Variants in SHF observed in about 807,000 individuals in gnomAD.
SHF encodes the protein SH2 domain-containing adapter protein F.
SHF carries 30 observed loss-of-function variants against 42.4 expected under a neutral mutation model. The observed-to-expected ratio is 0.71, with a 90% CI of 0.53 to 0.96. The LOEUF (loss-of-function observed/expected upper bound fraction) is 0.96. Ranked by LOEUF, SHF falls within the 40% of genes least tolerant of loss-of-function variation. SHF has a pLI of 0.00. For synonymous variants in SHF, 264 were observed against 269.9 expected, an observed-to-expected ratio of 0.98 and a Z score of 0.21; for missense variants, 598 against 634.0, an observed-to-expected ratio of 0.94 and a Z score of 0.61.
At chr15:45,193,933 T>C (rs923535779) in intron 2 of SHF, among the ~76,000 whole-genome samples, 1 of 143,828 alleles carries the variant, frequency 7.0e-6, no homozygotes, top group African/African-American at 2.6e-5. Flanking sequence ...ACCCCTTCTG[T>C]ACCAAAAAAA....
chr15:45,197,637 C>T (rs1898907446), intron 2 of SHF, among the ~76,000 whole-genome samples: 2 of 152,268 alleles, frequency 1.3e-5, no homozygotes, highest in South Asian at 4.1e-4. Context: ...TCCCTTTCCC[C>T]TATCTTACCA....
upstream of SHF, among the ~76,000 whole-genome samples, chr15:45,192,571 C>T (rs550547454): frequency 1.3e-5 from 2 of 152,054 alleles, no homozygotes; most frequent in South Asian, 4.1e-4. Flanking sequence ...TGGGGTTTCA[C>T]CGTGTTAGCT....
intron 6 of SHF, chr15:45,171,287 C>G (rs1897473168): frequency 6.5e-6 from 1 of 153,084 alleles, no homozygotes; most frequent in African/African-American, 2.4e-5. Context: ...AGGGCCTTGC[C>G]TCCTCTACGT....
intron 4 of SHF, 114 bp from the exon 5 acceptor site, chr15:45,172,432 A>C (rs1897556579): frequency 8.3e-7 from 1 of 1,211,628 alleles, no homozygotes; most frequent in Non-Finnish European, 1.1e-6. Flanking sequence ...GGATCAAAGG[A>C]ATGCTCTAGG....
At chr15:45,199,339 C>T (rs573264428) in intron 1 of SHF, among the ~76,000 whole-genome samples, 2 of 152,314 alleles carry the variant, frequency 1.3e-5, no homozygotes, top group African/African-American at 4.8e-5. Flanking sequence ...TCAGTGCTCT[C>T]GCCCCCACGG....
rs1406884379 is a variant in SHF at position 45,172,138 on chromosome 15, G to A, written c.1160+9C>T. ...GGGAGGGAGTCCCCAGCTGGACACAGACACTCACACCTGGTTTTCCAGAGG... is the reference window on the plus strand; with the variant it reads ...GGGAGGGAGTCCCCAGCTGGACACAAACACTCACACCTGGTTTTCCAGAGG... On this transcript the variant is annotated intron_variant, in intron 5 of 6. Transcript: ENST00000690270. The A allele has an allele frequency of 6.2e-7, 1 of 1,613,818 alleles. No homozygotes were observed. Among genetic ancestry groups the A allele is most frequent in the Non-Finnish European group, 8.5e-7 (1 of 1,179,864 alleles).
intron 6 of SHF, chr15:45,170,777 G>A (rs933382064): frequency 1.7e-5 from 4 of 229,154 alleles, no homozygotes; most frequent in African/African-American, 7.2e-5. Flanking sequence ...TCAGCCTCCC[G>A]AGTAGCTGGC....
chr15:45,199,278 C>CTG, intron 1 of SHF: 1 of 588,114 alleles, frequency 1.7e-6, no homozygotes, highest in South Asian at 2.7e-5. Flanking sequence ...CCCACCTAGG[C>CTG]TGTGTCACGG....
In SHF at chr15:45,169,647, T is replaced by C. The variant is rs529723960; in HGVS notation, c.1281-1514A>G. 3.3e-5 allele frequency among the ~76,000 whole-genome samples: 5 copies of C among 152,374 alleles called. No homozygotes were observed. In the East Asian group the frequency reaches 5.8e-4, roughly 18 times the overall value. On this transcript the variant is annotated intron_variant, in intron 6 of 6. Transcript: ENST00000690270. ...CTGACCCCTTCTCCCTTAGTCCACC[T>C]GGGGAATTGTCTCTCCTAAAAGCTG...
At chr15:45,178,636 A>G (rs554651642) in intron 1 of SHF, among the ~76,000 whole-genome samples, 41 of 148,142 alleles carry the variant, frequency 2.8e-4, no homozygotes, top group African/African-American at 1.0e-3. Flanking sequence ...CCGGGTTCAC[A>G]CCATTCTCCT....
intron 6 of SHF, chr15:45,171,158 A>G (rs1413312573): frequency 2.0e-5 from 3 of 153,440 alleles, no homozygotes; most frequent in East Asian, 3.9e-4. Flanking sequence ...CTGGCTTCCT[A>G]ACGGGGTGCA....
intron 6 of SHF, 64 bp downstream of exon 6, chr15:45,171,819 G>A: frequency 1.3e-6 from 2 of 1,551,552 alleles, no homozygotes; most frequent in Non-Finnish European, 1.8e-6. Context: ...TGGGCATAAG[G>A]GGAATACTGG....
intron 2 of SHF, among the ~76,000 whole-genome samples, chr15:45,193,717 G>A (rs1053106776): frequency 2.0e-5 from 3 of 152,148 alleles, no homozygotes; most frequent in African/African-American, 7.2e-5. Flanking sequence ...GGAGCCAGGT[G>A]CAGTGGCTCA....
At position 45,171,972 on chromosome 15, in the gene SHF, G is replaced by A. The variant is rs115581428; in HGVS notation, c.1191C>T (p.Asp397=). The A allele has an allele frequency of 4.9e-3, 7,927 of 1,613,980 alleles. 20 individuals carry two copies. The highest frequency in any genetic ancestry group is 6.0e-3 in the Non-Finnish European group (7,082 of 1,179,878). Residue 397 remains aspartate, a synonymous_variant, in exon 6 of 7, where the codon GAC becomes GAT. Transcript: ENST00000690270. ...TGCACAGCCGGAGCAGGTTCTCGGC[G>A]TCGGTTCGGCTGATGGCCCCGTGAT... is the stretch of plus-strand genomic sequence containing the variant. ...VWYHGAISRT[D]AENLLRLCKE... is the part of the protein sequence containing the mutation.
chr15:45,186,144 G>A (rs914586004), intron 1 of SHF, among the ~76,000 whole-genome samples: 39 of 152,238 alleles, frequency 2.6e-4, no homozygotes, highest in African/African-American at 8.7e-4. Flanking sequence ...AATAGCAGGG[G>A]ACAAGAAGCA....
upstream of SHF, chr15:45,188,110 C>T (rs1898570703): frequency 1.1e-5 from 2 of 178,394 alleles, no homozygotes; most frequent in South Asian, 1.9e-4. Flanking sequence ...TTCCTCCTCC[C>T]GTAGCTCGGA....
In SHF at chr15:45,187,493, A is replaced by G; in HGVS notation, c.459T>C (p.Ala153=). The G allele has an allele frequency of 1.6e-6, 2 of 1,232,534 alleles. No homozygotes were observed. Among genetic ancestry groups the G allele is most frequent in the Non-Finnish European group, 2.0e-6 (2 of 988,148 alleles). The allele number at this position is 1,232,534 out of a possible 1,614,324, so 76.3% of individuals were successfully genotyped here. A position where few individuals can be genotyped will look rare whatever the true frequency, so the allele number is the denominator to read the frequency against. ...VETPGPPAPP[A]DERISGPPAS... ...CGGGGGGTCCGGAGATCCGCTCATC[A>G]GCAGGCGGCGCCGGGGGCCCCGGGG... is the stretch of plus-strand genomic sequence containing the variant. Residue 153 remains alanine (A), a synonymous_variant, in exon 1 of 7, where the codon GCT becomes GCC. Coordinates refer to ENST00000690270, the MANE Select transcript of SHF (RefSeq NM_001394037.1).
chr15:45,200,616 C>G lies in SHF; in HGVS notation c.-47+111G>C, dbSNP rs904776731. ...CTCCACCCTCGCAGCCATCTGAGGG[C>G]ACGCAAGAGCATTAATCTCTGCTTT... On this transcript the variant is annotated intron_variant, in intron 1 of 7. Coordinates refer to the SHF transcript ENST00000290894. The G allele has an allele frequency of 7.3e-6, 3 of 411,762 alleles. No homozygotes were observed. In the Admixed American group the frequency reaches 8.1e-5, roughly 11 times the overall value. The allele number at this position is 411,762 out of a possible 1,614,324, so 25.5% of individuals were successfully genotyped here. A position where few individuals can be genotyped will look rare whatever the true frequency, so the allele number is the denominator to read the frequency against.
At chr15:45,173,278 A>T (rs1026833997) in intron 4 of SHF, among the ~76,000 whole-genome samples, 29 of 152,134 alleles carry the variant, frequency 1.9e-4, no homozygotes, top group African/African-American at 6.8e-4. Context: ...CCCCCAGCTC[A>T]GGAGTATTTG....
Sources: allele counts gnomAD v4.1 joint callset (sites outside exome capture counted in the v4.1 genomes callset), GRCh38; gene constraint gnomAD v4.1.1; transcripts MANE v1.5; gene names NCBI Gene and HGNC (gene_info 2026-07-23, HGNC 2026-07-21).